The following LYAR variants were observed in gnomAD, a reference collection of about 807,000 sequenced individuals.
The protein encoded by LYAR is cell growth-regulating nucleolar protein.
Under a neutral mutation model 45.2 loss-of-function variants are expected in LYAR, and 37 were observed. That is an observed-to-expected ratio of 0.82 (90% CI 0.63 to 1.08). The LOEUF (loss-of-function observed/expected upper bound fraction) is 1.08, where lower values mean the gene tolerates loss of function less well. LYAR is among the 50% of genes least tolerant of loss of function. LYAR has a pLI of 0.00. For synonymous variants in LYAR, 176 were observed against 155.1 expected, an observed-to-expected ratio of 1.14 and a Z score of -1.00; for missense variants, 493 against 451.0, an observed-to-expected ratio of 1.09 and a Z score of -0.84.
chr4:4,279,533 G>A lies in LYAR; in HGVS notation c.346-3C>T, dbSNP rs745898073. On this transcript the variant is annotated splice_region_variant and splice_polypyrimidine_tract_variant and intron_variant, in intron 5 of 9. Transcript: ENST00000343470. ...TTTAAACTGTTCTTCATCCAATTCTGTAAGAAAGAAAAAGAAAAAGAACTA... is the reference window on the plus strand; with the variant it reads ...TTTAAACTGTTCTTCATCCAATTCTATAAGAAAGAAAAAGAAAAAGAACTA... The A allele has an allele frequency of 6.2e-7, 1 of 1,605,368 alleles. No homozygotes were observed. The highest frequency in any genetic ancestry group is 1.7e-5 in the Admixed American group (1 of 59,832).
chr4:4,283,986 G>T (rs971085252), intron 2 of LYAR, among the ~76,000 whole-genome samples, 191 bp from the exon 3 acceptor site: 2 of 152,144 alleles, frequency 1.3e-5, no homozygotes, highest in Non-Finnish European at 2.9e-5. Flanking sequence ...AACATTTATT[G>T]TGTCCTTACC....
At chr4:4,271,900 C>T (rs527861001) in intron 8 of LYAR, among the ~76,000 whole-genome samples, 1 of 152,312 alleles carries the variant, frequency 6.6e-6, no homozygotes, top group East Asian at 1.9e-4. Context: ...ACGGGATACT[C>T]CTCACCAATA....
chr4:4,270,222 G>GT lies in LYAR; in HGVS notation c.920-1608dup, dbSNP rs569481358. On this transcript the variant is annotated intron_variant, in intron 8 of 9. Coordinates refer to ENST00000343470, the MANE Select transcript of LYAR (RefSeq NM_017816.3). ...TCTCGAAAAATAAAAATAAAATACA[G>GT]TAACACATTAAATTGTACACCTGAA... 7.3e-4 allele frequency among the ~76,000 whole-genome samples: 93 copies of GT among 127,220 alleles called. 4 individuals carry two copies. In the South Asian group the frequency reaches 0.022, roughly 31 times the overall value. 83.5% of individuals were successfully genotyped at this position (127,220 alleles called of 152,430 possible).
chr4:4,283,237 G>A (rs2980215), intron 3 of LYAR, among the ~76,000 whole-genome samples: 40,718 of 152,084 alleles, frequency 0.27, 6,339 homozygotes, highest in East Asian at 0.55. Context: ...CGCAACCTCT[G>A]CCTCCTGGGT....
At chr4:4,268,152 G>C (rs1718788836) in intron 9 of LYAR, 129 bp from the exon 10 acceptor site, 1 of 839,544 alleles carries the variant, frequency 1.2e-6, no homozygotes, top group African/African-American at 1.8e-5. Flanking sequence ...ACACCGGCGT[G>C]CTCTCCTTGG....
intron 1 of LYAR, chr4:4,289,818 G>C (rs1413910451): frequency 6.6e-6 from 1 of 152,292 alleles, no homozygotes. Flanking sequence ...GCCCGAGGGA[G>C]TTCCCAGGAC....
At chr4:4,281,351 T>C (rs1047683606) in intron 4 of LYAR, among the ~76,000 whole-genome samples, 2 of 152,152 alleles carry the variant, frequency 1.3e-5, no homozygotes, top group Non-Finnish European at 1.5e-5. Flanking sequence ...TTCTTTTTTT[T>C]TGAGACGGAG....
At chr4:4,288,937 C>T (rs1054359261) in intron 1 of LYAR, among the ~76,000 whole-genome samples, 10 of 152,250 alleles carry the variant, frequency 6.6e-5, no homozygotes, top group Non-Finnish European at 1.5e-5. Flanking sequence ...CATGCCACTG[C>T]CTCTATAAAC....
intron 3 of LYAR, among the ~76,000 whole-genome samples, chr4:4,283,109 T>C (rs1307456215): frequency 6.6e-6 from 1 of 152,174 alleles, no homozygotes; most frequent in African/African-American, 2.4e-5. Context: ...CCCCTAGTCT[T>C]TTCTTTAACA....
Position 4,274,618 on chromosome 4 carries a change from T to C in LYAR, c.581A>G (p.Glu194Gly). ...VKKNKRERKEERQKKRKREKK... is the reference protein window; with the variant it reads ...VKKNKRERKEGRQKKRKREKK... ...TTCTCTTTTCCTTTTCTTCTGCCGT[T>C]CTTCCTTTCTTTCTCTTTTATTCTT... The change falls in exon 7 of 10, where the codon GAA becomes GGA. Residue 194 changes from glutamate to glycine, a missense_variant. Coordinates refer to ENST00000343470, the MANE Select transcript of LYAR (RefSeq NM_017816.3). 6.2e-7 allele frequency: 1 copy of C among 1,614,114 alleles called. No homozygotes were observed. Among genetic ancestry groups the C allele is most frequent in the African/African-American group, 1.3e-5 (1 of 75,026 alleles).
chr4:4,272,431 CTG>C (rs549293755), intron 8 of LYAR, among the ~76,000 whole-genome samples: 177 of 152,344 alleles, frequency 1.2e-3, no homozygotes, highest in African/African-American at 4.2e-3. Flanking sequence ...CCTATATATA[CTG>C]TCTTTCCCTA....
At chr4:4,282,325 C>T (rs954262772) in intron 3 of LYAR, among the ~76,000 whole-genome samples, 1 of 152,094 alleles carries the variant, frequency 6.6e-6, no homozygotes, top group Middle Eastern at 3.4e-3. Context: ...ATGAGGTTAC[C>T]AACAGTTCTG....
intron 6 of LYAR, among the ~76,000 whole-genome samples, chr4:4,275,130 C>A (rs1352920343): frequency 6.6e-6 from 1 of 152,202 alleles, no homozygotes; most frequent in Admixed American, 6.5e-5. Flanking sequence ...TGTTATGTGT[C>A]TGCAGACCTG....
chr4:4,281,926 A>G (rs1435453903), intron 3 of LYAR, 29 bp from the exon 4 acceptor site: 8 of 1,484,176 alleles, frequency 5.4e-6, no homozygotes, highest in Non-Finnish European at 7.5e-6. Context: ...TTCTGCCATT[A>G]GACTGATACC....
chr4:4,281,792 C>A lies in LYAR; in HGVS notation c.228G>T (p.Ala76=). The A allele has an allele frequency of 6.2e-7, 1 of 1,613,560 alleles. No individual in the cohort carries two copies. Among genetic ancestry groups the A allele is most frequent in the Non-Finnish European group, 8.5e-7 (1 of 1,179,448 alleles). ...GTTAGAGAGACGTTACCTGAATCCACGCCTGCTGTTTGATGTCGCCTTTGT... is the reference window on the plus strand; with the variant it reads ...GTTAGAGAGACGTTACCTGAATCCAAGCCTGCTGTTTGATGTCGCCTTTGT... ...KTHKGDIKQQ[A]WIQKISELIK... is the part of the protein sequence containing the mutation. Residue 76 remains alanine, a synonymous_variant, in exon 4 of 10, where the codon GCG becomes GCT. Coordinates refer to ENST00000343470, the MANE Select transcript of LYAR (RefSeq NM_017816.3).
intron 2 of LYAR, among the ~76,000 whole-genome samples, chr4:4,286,163 C>A (rs1402975686): frequency 6.6e-6 from 1 of 152,252 alleles, no homozygotes; most frequent in African/African-American, 2.4e-5. Context: ...TCTGTGTCCA[C>A]TTGCTTGGCT....
chr4:4,279,830 G>T, intron 4 of LYAR, 81 bp from the exon 5 acceptor site: 1 of 892,886 alleles, frequency 1.1e-6, no homozygotes, highest in Non-Finnish European at 1.8e-6. Flanking sequence ...AAAAGTCCTT[G>T]CCATGGCTAA....
chr4:4,279,705 C>A lies in LYAR; in HGVS notation c.282G>T (p.Val94=). The A allele has an allele frequency of 1.9e-6, 3 of 1,613,914 alleles. No individual in the cohort carries two copies. Among genetic ancestry groups the A allele is most frequent in the Non-Finnish European group, 2.5e-6 (3 of 1,179,920 alleles). ...CACTAATTTGCTCTAAAAGTTCTCT[C>A]ACTTTGGGGCTGACATTGGGTCTCT... is the stretch of plus-strand genomic sequence containing the variant. ...LIKRPNVSPK[V]RELLEQISAF... Residue 94 remains valine (V), a synonymous_variant, in exon 5 of 10, where the codon GTG becomes GTT. Coordinates refer to ENST00000343470, the MANE Select transcript of LYAR (RefSeq NM_017816.3).
At position 4,273,602 on chromosome 4, in the gene LYAR, G is replaced by A. The variant is rs779016582; in HGVS notation, c.900C>T (p.Asp300=). ...ATATACCTTTTGCAGGAGCCTCATC[G>A]TCTTCTGGTTCTCCGCCCTCAGGAT... ...PEHPEGGEPE[D]DEAPAKGKFN... The change falls in exon 8 of 10, where the codon GAC becomes GAT. Residue 300 remains aspartate (D), a synonymous_variant. Transcript: ENST00000343470. 1.9e-5 allele frequency: 30 copies of A among 1,613,222 alleles called. No individual in the cohort carries two copies. Among genetic ancestry groups the A allele is most frequent in the South Asian group, 4.4e-5 (4 of 91,044 alleles).
Sources: allele counts gnomAD v4.1 joint callset (sites outside exome capture counted in the v4.1 genomes callset), GRCh38; gene constraint gnomAD v4.1.1; transcripts MANE v1.5; gene names NCBI Gene and HGNC (gene_info 2026-07-23, HGNC 2026-07-21).